The following DMD variants were observed in gnomAD, a reference collection of about 807,000 sequenced individuals.
The protein encoded by DMD is dystrophin.
In DMD, 63 loss-of-function variants were observed where a neutral mutation model predicts 330.1. The observed-to-expected ratio is 0.19, with a 90% CI of 0.16 to 0.24. DMD has a LOEUF of 0.24. Among genes scored for constraint, DMD ranks in the 10% least tolerant of loss-of-function variants. The pLI is 1.00. For missense variants in DMD, 3,344 were observed against 2,684.1 expected (o/e 1.25, Z -5.43); for synonymous variants, 1,223 against 959.8 (o/e 1.27, Z -5.07).
chrX:32,391,614 G>A (rs1237415257), intron 30 of DMD, among the ~76,000 whole-genome samples: 2 of 111,882 alleles, frequency 1.8e-5, no homozygotes, highest in African/African-American at 3.2e-5. Flanking sequence ...TTACCATATC[G>A]ATGATCTTCA....
At chrX:32,039,304 C>G (rs1287020857) in intron 44 of DMD, among the ~76,000 whole-genome samples, 1 of 111,375 alleles carries the variant, frequency 9.0e-6, no homozygotes, top group Non-Finnish European at 1.9e-5. Flanking sequence ...ACATTTCTCC[C>G]ATTTTACAGG....
At chrX:33,018,255 A>T (rs896912575) in intron 2 of DMD, among the ~76,000 whole-genome samples, 2 of 111,913 alleles carry the variant, frequency 1.8e-5, no homozygotes, top group African/African-American at 6.5e-5. Context: ...TCTCCTGATC[A>T]GTTATAACAG....
chrX:32,720,300 C>T (rs751803212), intron 7 of DMD, among the ~76,000 whole-genome samples: 45 of 111,514 alleles, frequency 4.0e-4, no homozygotes, highest in African/African-American at 1.2e-3. Context: ...GCTCATTTTG[C>T]ACCCATTAAA....
intron 42 of DMD, among the ~76,000 whole-genome samples, chrX:32,303,398 A>G (rs943391080): frequency 2.6e-4 from 29 of 110,798 alleles, no homozygotes; most frequent in African/African-American, 9.2e-4. Flanking sequence ...ACAACAAACA[A>G]GATACTAATT....
chrX:32,790,799 G>A (rs1271325134), intron 7 of DMD, among the ~76,000 whole-genome samples: 1 of 111,412 alleles, frequency 9.0e-6, no homozygotes, highest in Non-Finnish European at 1.9e-5. Flanking sequence ...AACTGCTTAT[G>A]GCTGCTCCCA....
chrX:32,573,769 T>C lies in DMD; in HGVS notation c.1680A>G (p.Lys560=), dbSNP rs752582973. 8.3e-7 allele frequency: 1 copy of C among 1,211,699 alleles called. No homozygotes were observed. Among genetic ancestry groups the C allele is most frequent in the East Asian group, 3.0e-5 (1 of 33,837 alleles). Residue 560 remains lysine (K), a synonymous_variant, in exon 14 of 79, where the codon AAA becomes AAG. Transcript: ENST00000357033. The part of the protein sequence containing the change: ...RWVLLQDILL[K]WQRLTEEQCL... ...CCTGTTCTTCAGTAAGACGTTGCCA[T>C]TTGAGAAGGATGTCTTGTAAAAGAA... is the stretch of plus-strand genomic sequence containing the variant.
chrX:32,665,345 A>T (rs1364479116), intron 9 of DMD, among the ~76,000 whole-genome samples: 5 of 111,689 alleles, frequency 4.5e-5, no homozygotes, highest in South Asian at 7.6e-4. Context: ...TCTCGTCTGA[A>T]AATGGGAATA....
chrX:32,753,775 C>G (rs1417585866), intron 7 of DMD, among the ~76,000 whole-genome samples: 5 of 111,934 alleles, frequency 4.5e-5, no homozygotes, highest in Non-Finnish European at 5.6e-5. Context: ...TTCTCCCTTT[C>G]TGTACTTGCG....
At chrX:31,477,090 G>C (rs1023512374) in intron 59 of DMD, among the ~76,000 whole-genome samples, 2 of 112,005 alleles carry the variant, frequency 1.8e-5, no homozygotes, top group Non-Finnish European at 3.8e-5. Flanking sequence ...CAGAATAGTT[G>C]CATTTGTGAT....
At chrX:31,601,828 A>C (rs2077381257) in intron 55 of DMD, among the ~76,000 whole-genome samples, 2 of 111,422 alleles carry the variant, frequency 1.8e-5, no homozygotes, top group Admixed American at 1.9e-4. Flanking sequence ...AACACCTCAC[A>C]TGGACAAAAA....
intron 2 of DMD, among the ~76,000 whole-genome samples, chrX:32,968,986 C>T (rs1194308251): frequency 1.1e-5 from 1 of 87,595 alleles, no homozygotes; most frequent in Admixed American, 1.4e-4. Flanking sequence ...CAAGATCGTG[C>T]CACTGCCCTC....
chrX:31,987,716 G>T (rs1286473465), intron 44 of DMD, among the ~76,000 whole-genome samples: 1 of 112,015 alleles, frequency 8.9e-6, no homozygotes, highest in Non-Finnish European at 1.9e-5. Flanking sequence ...ATGGAGAAAA[G>T]GGAACCCTTA....
At chrX:31,686,484 G>A (rs1377929923) in intron 52 of DMD, among the ~76,000 whole-genome samples, 2 of 112,031 alleles carry the variant, frequency 1.8e-5, no homozygotes, top group African/African-American at 3.2e-5. Context: ...GCGAACAAAT[G>A]TCCTCTGAAT....
chrX:32,990,323 A>G (rs1030162235), intron 2 of DMD, among the ~76,000 whole-genome samples: 12 of 112,005 alleles, frequency 1.1e-4, no homozygotes, highest in Admixed American at 5.7e-4. Flanking sequence ...TGTCTCCTGA[A>G]ATAATAATAG....
chrX:31,400,498 T>C (rs1385188569), intron 60 of DMD, among the ~76,000 whole-genome samples: 1 of 111,497 alleles, frequency 9.0e-6, no homozygotes, highest in Non-Finnish European at 1.9e-5. Flanking sequence ...GGGTGCATAT[T>C]CTCAACCTTG....
intron 63 of DMD, among the ~76,000 whole-genome samples, chrX:31,228,241 A>C (rs1257490846): frequency 9.8e-6 from 1 of 101,923 alleles, no homozygotes; most frequent in East Asian, 3.0e-4. Flanking sequence ...ATGTACCCTA[A>C]AACTTAAAGT....
chrX:32,997,932 G>A (rs746462303), intron 2 of DMD, among the ~76,000 whole-genome samples: 28 of 112,005 alleles, frequency 2.5e-4, no homozygotes, highest in East Asian at 5.6e-4. Context: ...CTCAAAAAAC[G>A]TATTGTTCTT....
intron 43 of DMD, among the ~76,000 whole-genome samples, chrX:32,252,836 A>G (rs1603629282): frequency 5.1e-5 from 3 of 58,711 alleles, no homozygotes; most frequent in East Asian, 3.6e-4. Flanking sequence ...ATATATAAAT[A>G]TATATAAATA....
At chrX:32,444,329 G>C (rs2098294758) in intron 27 of DMD, among the ~76,000 whole-genome samples, 1 of 109,283 alleles carries the variant, frequency 9.2e-6, no homozygotes, top group African/African-American at 3.3e-5. Flanking sequence ...CTACAATCCT[G>C]ATGGCAACAA....
Sources: allele counts gnomAD v4.1 joint callset (sites outside exome capture counted in the v4.1 genomes callset), GRCh38; gene constraint gnomAD v4.1.1; transcripts MANE v1.5; gene names NCBI Gene and HGNC (gene_info 2026-07-23, HGNC 2026-07-21).